ASB13: variants seen among roughly 807,000 people sequenced by gnomAD.
The protein encoded by ASB13 is ankyrin repeat and SOCS box protein 13.
In ASB13, 33 loss-of-function variants were observed where a neutral mutation model predicts 28.8. The observed-to-expected ratio is 1.15, with a 90% CI of 0.87 to 1.53. ASB13 has a LOEUF of 1.53. Among genes scored for constraint, ASB13 ranks in the 40% most tolerant of loss-of-function variants. The pLI, the probability that ASB13 is intolerant of heterozygous loss-of-function variation, is 0.00. For synonymous variants in ASB13, 182 were observed against 172.9 expected (o/e 1.05, Z -0.41); for missense variants, 414 against 390.1 (o/e 1.06, Z -0.52).
rs1216740570 is a variant in ASB13, at chr10:5,659,497, TCA to T, written c.44-6449_44-6448del. Among the ~76,000 whole-genome samples the T allele has an allele frequency of 6.6e-6, 1 of 152,156 alleles. No homozygotes were observed. Among genetic ancestry groups the T allele is most frequent in the Non-Finnish European group, 1.5e-5 (1 of 68,032 alleles). On this transcript the variant is annotated intron_variant, in intron 1 of 5. Coordinates refer to ENST00000357700, the MANE Select transcript of ASB13 (RefSeq NM_024701.4). The surrounding 1 kb of genome is among the most constrained non-coding windows in gnomAD (Gnocchi z 5.8). ...TCCAGTGACACCAAACTCTACCGAC[TCA>T]CACAGAGTCCAGTGGCTGCAAGTCC...
At chr10:5,662,191 G>A (rs1306362474) in intron 1 of ASB13, among the ~76,000 whole-genome samples, 1 of 152,006 alleles carries the variant, frequency 6.6e-6, no homozygotes, top group Non-Finnish European at 1.5e-5. Flanking sequence ...TCATGAACAC[G>A]CGCTGACTGT....
chr10:5,650,040 C>T lies in ASB13; in HGVS notation c.383-936G>A, dbSNP rs577267273. On this transcript the variant is annotated intron_variant, in intron 3 of 5. Coordinates refer to ENST00000357700, the MANE Select transcript of ASB13 (RefSeq NM_024701.4). This position sits in a 1 kb window ranked among gnomAD's most constrained non-coding sequence, Gnocchi z 6.0. ...CCAGAGCCATGTGCTGGCCACCGGC[C>T]GGTGTCTCCCACTCTAGAGCCCTCT... 4.7e-4 allele frequency among the ~76,000 whole-genome samples: 71 copies of T among 152,312 alleles called. 2 individuals carry two copies. Among genetic ancestry groups the T allele is most frequent in the African/African-American group, 1.5e-3 (62 of 41,578 alleles).
At position 5,644,521 on chromosome 10, in the gene ASB13, G is replaced by A. The variant is rs148540780; in HGVS notation, c.518-2560C>T. On this transcript the variant is annotated intron_variant, in intron 4 of 5. Transcript: ENST00000357700. This position sits in a 1 kb window ranked among gnomAD's most constrained non-coding sequence, Gnocchi z 5.1. ...AGAAAGAGAACATAAACAGGTACTC[G>A]TTAGAGGAAAACAGGGCCAGACACG... Among the ~76,000 whole-genome samples the A allele has an allele frequency of 9.3e-5, 14 of 150,844 alleles. No homozygotes were observed. The East Asian group carries it at 2.4e-3, about 26-fold the overall frequency.
chr10:5,640,606 T>C lies in ASB13; in HGVS notation c.*97A>G, dbSNP rs1834792875. On this transcript the variant is annotated 3_prime_UTR_variant, in exon 6 of 6. Transcript: ENST00000357700. ...GGACTCGAAGGAGCGTTGTTCTATCTACAGCAATCACGCTGCTTCAGAGGA... is the reference window on the plus strand; with the variant it reads ...GGACTCGAAGGAGCGTTGTTCTATCCACAGCAATCACGCTGCTTCAGAGGA... The C allele has an allele frequency of 1.3e-6, 2 of 1,493,818 alleles. No individual in the cohort carries two copies. Among genetic ancestry groups the C allele is most frequent in the Non-Finnish European group, 1.8e-6 (2 of 1,081,732 alleles). The allele number at this position is 1,493,818 out of a possible 1,614,324, so 92.5% of individuals were successfully genotyped here. A position where few individuals can be genotyped will look rare whatever the true frequency, so the allele number is the denominator to read the frequency against.
rs768135635 is a variant in ASB13 at position 5,653,079 on chromosome 10, A to T, written c.44-29T>A. The T allele has an allele frequency of 3.3e-6, 5 of 1,512,118 alleles. No individual in the cohort carries two copies. In the Admixed American group the frequency reaches 6.3e-5, roughly 19 times the overall value. The allele number at this position is 1,512,118 out of a possible 1,614,324, so 93.7% of individuals were successfully genotyped here. On this transcript the variant is annotated intron_variant, in intron 1 of 5. Coordinates refer to ENST00000357700, the MANE Select transcript of ASB13 (RefSeq NM_024701.4). ...GAAAGGAAGGGGACCTCAGGCTAAG[A>T]CCCTGCCACTTCCATCCAGGACAAA...
At chr10:5,654,526 G>A (rs1169861704) in intron 1 of ASB13, among the ~76,000 whole-genome samples, 4 of 152,148 alleles carry the variant, frequency 2.6e-5, no homozygotes, top group African/African-American at 7.2e-5. Flanking sequence ...CTCGCTAACT[G>A]GTACAGACCG....
intron 1 of ASB13, among the ~76,000 whole-genome samples, chr10:5,665,530 G>A (rs1410294766): frequency 1.3e-5 from 2 of 152,180 alleles, no homozygotes; most frequent in East Asian, 3.8e-4. Flanking sequence ...AGCTTCTGCC[G>A]TTAGCTATTC....
Position 5,645,328 on chromosome 10 carries a change from G to A in ASB13, c.518-3367C>T, listed in dbSNP as rs1287370232. 1.3e-5 allele frequency among the ~76,000 whole-genome samples: 2 copies of A among 151,922 alleles called. No individual in the cohort carries two copies. Among genetic ancestry groups the A allele is most frequent in the Admixed American group, 6.6e-5 (1 of 15,244 alleles). On this transcript the variant is annotated intron_variant, in intron 4 of 5. Transcript: ENST00000357700. This position sits in a 1 kb window ranked among gnomAD's most constrained non-coding sequence, Gnocchi z 5.4. ...TAAAAAAATTTTTTAAATTGTGCCA[G>A]GGCCAGTGCTAAGAACAAAGGTGGA...
intron 4 of ASB13, among the ~76,000 whole-genome samples, chr10:5,647,304 G>T (rs1163253500): frequency 6.6e-6 from 1 of 152,154 alleles, no homozygotes; most frequent in Admixed American, 6.5e-5. Context: ...CCAGAATTTG[G>T]ATAAGATGAT....
chr10:5,653,143 A>G, intron 1 of ASB13, 93 bp from the exon 2 acceptor site: 1 of 1,245,362 alleles, frequency 8.0e-7, no homozygotes, highest in Non-Finnish European at 1.1e-6. Flanking sequence ...GATGCCACCA[A>G]GGCACCATCC....
intron 4 of ASB13, among the ~76,000 whole-genome samples, chr10:5,648,151 G>A (rs1037699871): frequency 7.3e-6 from 1 of 136,260 alleles, no homozygotes; most frequent in Non-Finnish European, 1.5e-5. Flanking sequence ...AAACAACCAC[G>A]CGGGTAAACA....
In ASB13 at chr10:5,651,492, T is replaced by A; in HGVS notation, c.232-129A>T. On this transcript the variant is annotated intron_variant, in intron 2 of 5. Transcript: ENST00000357700. This position sits in a 1 kb window ranked among gnomAD's most constrained non-coding sequence, Gnocchi z 5.1. ...ACCGGTTTGCTTTGCTATTATGTGC[T>A]AGGCAACGACACTGAAAGAGATAGC... is the stretch of plus-strand genomic sequence containing the variant. 1 of 1,067,420 alleles carries A rather than the reference T, an allele frequency of 9.4e-7. No individual in the cohort carries two copies. Among genetic ancestry groups the A allele is most frequent in the Non-Finnish European group, 1.3e-6 (1 of 759,324 alleles). 66.1% of individuals were successfully genotyped at this position (1,067,420 alleles called of 1,614,324 possible). A position where few individuals can be genotyped will look rare whatever the true frequency, so the allele number is the denominator to read the frequency against.
At chr10:5,647,777 A>C (rs1366640724) in intron 4 of ASB13, among the ~76,000 whole-genome samples, 1 of 152,214 alleles carries the variant, frequency 6.6e-6, no homozygotes, top group East Asian at 1.9e-4. Flanking sequence ...CTCAGCTGGC[A>C]AGTAAGAGAG....
rs1834809049 is a variant in ASB13 at position 5,641,690 on chromosome 10, G to A, written c.709+80C>T. 1 of 1,438,716 alleles carries A rather than the reference G, an allele frequency of 7.0e-7. No homozygotes were observed. The highest frequency in any genetic ancestry group is 2.1e-5 in the Admixed American group (1 of 47,344). The allele number at this position is 1,438,716 out of a possible 1,614,324, so 89.1% of individuals were successfully genotyped here. A position where few individuals can be genotyped will look rare whatever the true frequency, so the allele number is the denominator to read the frequency against. On this transcript the variant is annotated intron_variant, in intron 5 of 5. Transcript: ENST00000357700. This position sits in a 1 kb window ranked among gnomAD's most constrained non-coding sequence, Gnocchi z 8.4. Reference sequence around the variant, plus strand: ...AGGACTAACAGCCCAGCTCTCCGCGGAAGCCCACAGGGAGCCGGCACGTCA... The same window carrying A: ...AGGACTAACAGCCCAGCTCTCCGCGAAAGCCCACAGGGAGCCGGCACGTCA...
At position 5,642,845 on chromosome 10, in the gene ASB13, G is replaced by A. The variant is rs540701751; in HGVS notation, c.518-884C>T. On this transcript the variant is annotated intron_variant, in intron 4 of 5. Transcript: ENST00000357700. The surrounding 1 kb of genome is among the most constrained non-coding windows in gnomAD (Gnocchi z 4.1). Reference sequence around the variant, plus strand: ...TTTTTTGTAGAGACGGGGTTTTGCCGTGTTGGCCAGGTTGGTCTCGAACTC... The same window carrying A: ...TTTTTTGTAGAGACGGGGTTTTGCCATGTTGGCCAGGTTGGTCTCGAACTC... Among the ~76,000 whole-genome samples the A allele has an allele frequency of 3.3e-5, 5 of 152,008 alleles. No individual in the cohort carries two copies. The highest frequency in any genetic ancestry group is 1.3e-4 in the Admixed American group (2 of 15,248).
At position 5,640,659 on chromosome 10, in the gene ASB13, C is replaced by T; in HGVS notation, c.*44G>A. On this transcript the variant is annotated 3_prime_UTR_variant, in exon 6 of 6. Coordinates refer to ENST00000357700, the MANE Select transcript of ASB13 (RefSeq NM_024701.4). ...AGGCAGAGCCCTCACCCGGGCAATG[C>T]TGGGCACAACGGGGGCAGCCACGGT... is the stretch of plus-strand genomic sequence containing the variant. The T allele has an allele frequency of 1.2e-6, 2 of 1,612,248 alleles. No homozygotes were observed. Among genetic ancestry groups the T allele is most frequent in the African/African-American group, 1.3e-5 (1 of 75,028 alleles).
At chr10:5,666,444 T>A (rs376502173) in intron 1 of ASB13, 65 bp downstream of exon 1, 57 of 1,232,972 alleles carry the variant, frequency 4.6e-5, no homozygotes, top group East Asian at 4.5e-4. Flanking sequence ...GGCCATCGGA[T>A]ACGCGGCCGG....
rs1324839698 is a variant in ASB13, at chr10:5,652,888, T to C, written c.206A>G (p.Gln69Arg). The change falls in exon 2 of 6, where the codon CAG becomes CGG. Residue 69 changes from glutamine to arginine, a missense_variant. Transcript: ENST00000357700. The surrounding 1 kb of genome is among the most constrained non-coding windows in gnomAD (Gnocchi z 5.0). ...ASLQGQARCV[Q>R]LLLAAGAQVD... is the part of the protein sequence containing the mutation. ...CTGGGCCCCAGCCGCCAGCAGCAGC[T>C]GCACACACCGCGCCTGGCCCTGCAG... The C allele has an allele frequency of 1.3e-6, 2 of 1,572,806 alleles. No homozygotes were observed. The highest frequency in any genetic ancestry group is 8.6e-7 in the Non-Finnish European group (1 of 1,159,466).
chr10:5,640,916 G>C, intron 5 of ASB13, 86 bp from the exon 6 acceptor site: 1 of 1,523,712 alleles, frequency 6.6e-7, no homozygotes, highest in Non-Finnish European at 8.9e-7. Flanking sequence ...AGAGGGAATC[G>C]GAAACGCCTC....
Sources: gnomAD v4.1 joint callset for allele counts (sites outside exome capture counted in the v4.1 genomes callset) on GRCh38, gnomAD v4.1.1 for gene constraint, Gnocchi (gnomAD v3.1) non-coding constraint, MANE v1.5 for transcripts, NCBI Gene and HGNC (gene_info 2026-07-23, HGNC 2026-07-21) for gene names.